The following MAP3K8 variants were observed in gnomAD, a reference collection of about 807,000 sequenced individuals.
MAP3K8 encodes Ewing sarcoma transformant.
In MAP3K8, 22 loss-of-function variants were observed where a neutral mutation model predicts 45.8. The observed-to-expected ratio is 0.48, with a 90% CI of 0.34 to 0.69. The LOEUF (loss-of-function observed/expected upper bound fraction) is 0.69, where lower values mean the gene tolerates loss of function less well. Ranked by LOEUF, MAP3K8 falls within the 30% of genes least tolerant of loss-of-function variation. MAP3K8 has a pLI of 0.01. For missense variants in MAP3K8, 419 were observed against 585.0 expected, an observed-to-expected ratio of 0.72 and a Z score of 2.93; for synonymous variants, 223 against 214.3, an observed-to-expected ratio of 1.04 and a Z score of -0.36.
rs546469654 is a variant in MAP3K8, at chr10:30,460,983, C to T, written c.*147C>T. The T allele has an allele frequency of 3.1e-4, 286 of 926,678 alleles. 2 individuals carry two copies. The South Asian group carries it at 4.7e-3, about 15-fold the overall frequency. 57.4% of individuals were successfully genotyped at this position (926,678 alleles called of 1,614,324 possible). On this transcript the variant is annotated 3_prime_UTR_variant, in exon 9 of 9. Transcript: ENST00000263056. ...TGTGACCCGTGAATGTGCCTCCAAG[C>T]GGCCCTGTGTGTTTGACATGTGAAG...
At chr10:30,441,842 C>G (rs1369373511) in intron 3 of MAP3K8, among the ~76,000 whole-genome samples, 1 of 152,116 alleles carries the variant, frequency 6.6e-6, no homozygotes, top group Non-Finnish European at 1.5e-5. Flanking sequence ...GCTTTCGGCT[C>G]CCTTTCATCC....
chr10:30,448,540 C>T (rs1258072989), intron 4 of MAP3K8, among the ~76,000 whole-genome samples: 3 of 151,766 alleles, frequency 2.0e-5, no homozygotes, highest in African/African-American at 7.3e-5. Flanking sequence ...TCAAACGATT[C>T]TCCTGCATCA....
At chr10:30,451,881 C>A in intron 6 of MAP3K8, 137 bp downstream of exon 6, 1 of 506,420 alleles carries the variant, frequency 2.0e-6, no homozygotes, top group Non-Finnish European at 3.5e-6. Context: ...CCTTGGAACA[C>A]ATTTAATGAG....
chr10:30,437,687 G>A (rs1163291824), intron 2 of MAP3K8, among the ~76,000 whole-genome samples: 10 of 152,352 alleles, frequency 6.6e-5, no homozygotes, highest in African/African-American at 2.2e-4. Context: ...AGAGGCAGAT[G>A]GCTGGGTCAT....
intron 3 of MAP3K8, among the ~76,000 whole-genome samples, chr10:30,443,285 A>G (rs764935993): frequency 2.6e-5 from 4 of 152,224 alleles, no homozygotes; most frequent in Non-Finnish European, 5.9e-5. Context: ...TAGAGTTGAT[A>G]TTTGGAGCAA....
chr10:30,458,259 TGGGGGCGGCG>T, intron 7 of MAP3K8, 23 bp downstream of exon 7: 1 of 448,274 alleles, frequency 2.2e-6, no homozygotes, highest in Non-Finnish European at 3.4e-6. Flanking sequence ...CAACCAGGGC[TGGGGGCGGCG>T]GGGGGGGGCG....
intron 3 of MAP3K8, among the ~76,000 whole-genome samples, chr10:30,441,242 C>CGCCT (rs1836096112): frequency 6.6e-6 from 1 of 151,880 alleles, no homozygotes; most frequent in African/African-American, 2.4e-5. Context: ...CTGCAATCTC[C>CGCCT]GCCTCATGGG....
At chr10:30,434,418 C>A (rs1835844718) in intron 1 of MAP3K8, 40 bp downstream of exon 1, 4 of 979,814 alleles carry the variant, frequency 4.1e-6, no homozygotes, top group Middle Eastern at 1.0e-3. Flanking sequence ...TCTTTCGGGT[C>A]GCGTCCCGCC....
Position 30,458,138 on chromosome 10 carries a change from A to C in MAP3K8, c.928A>C (p.Ile310Leu). 1 of 1,594,776 alleles carries C rather than the reference A, an allele frequency of 6.3e-7. No homozygotes were observed. Among genetic ancestry groups the C allele is most frequent in the Non-Finnish European group, 8.5e-7 (1 of 1,170,294 alleles). ...CAGGGGCCATTCAACCAAAGCAGAC[A>C]TCTACAGCCTGGGGGCCACGCTCAT... The part of the protein sequence containing the change: ...LCRGHSTKAD[I>L]YSLGATLIHM... Residue 310 changes from isoleucine (I) to leucine (L), a missense_variant, in exon 7 of 9, where the codon ATC becomes CTC. Physicochemically the swap from Ile to Leu is conservative, Grantham distance 5 (BLOSUM62 2). This residue lies in a region of MAP3K8 where 209 missense variants were observed against 367.3 expected (regional missense o/e 0.57). Coordinates refer to ENST00000263056, the MANE Select transcript of MAP3K8 (RefSeq NM_005204.4).
rs1399156551 is a variant in MAP3K8, at chr10:30,460,735, T to C, written c.1303T>C (p.Ser435Pro). The C allele has an allele frequency of 6.2e-7, 1 of 1,612,792 alleles. No homozygotes were observed. The highest frequency in any genetic ancestry group is 8.5e-7 in the Non-Finnish European group (1 of 1,179,520). The change falls in exon 9 of 9, where the codon TCT becomes CCT. Residue 435 changes from serine to proline, a missense_variant. Ser to Pro is a moderately conservative substitution (Grantham distance 74). Around this residue, in one of 3 missense-constraint regions of MAP3K8, gnomAD observed 108 missense variants for 124.2 expected, o/e 0.87. Transcript: ENST00000263056. ...TTCGTGCACAGGAAGCACCGAGGAA[T>C]CTGAGATGCTCAAGAGGCAACGCTC... ...DSSCTGSTEESEMLKRQRSLY... is the reference protein window; with the variant it reads ...DSSCTGSTEEPEMLKRQRSLY...
chr10:30,450,744 A>G, intron 5 of MAP3K8: 1 of 541,410 alleles, frequency 1.8e-6, no homozygotes, highest in South Asian at 2.1e-5. Context: ...GAAAGGTTAT[A>G]GCTACATACC....
At chr10:30,448,901 G>C (rs8177003) in intron 4 of MAP3K8, among the ~76,000 whole-genome samples, 10,501 of 152,150 alleles carry the variant, frequency 0.069, 1,214 homozygotes, top group African/African-American at 0.24. Context: ...AAGCTATGTG[G>C]TAGCATGTTC....
intron 3 of MAP3K8, 48 bp downstream of exon 3, chr10:30,439,322 C>T (rs1836018960): frequency 6.2e-7 from 1 of 1,602,050 alleles, no homozygotes; most frequent in African/African-American, 1.3e-5. Flanking sequence ...AGCTTTCCTA[C>T]TGCAGCTTCA....
rs1374938490 is a variant in MAP3K8 at position 30,460,664 on chromosome 10, C to A, written c.1274-42C>A. The A allele has an allele frequency of 7.2e-6, 11 of 1,531,282 alleles. No individual in the cohort carries two copies. The East Asian group carries it at 2.3e-4, about 32-fold the overall frequency. 94.9% of individuals were successfully genotyped at this position (1,531,282 alleles called of 1,614,324 possible). ...GAAGGAACAGGTATTTATCATTTGA[C>A]ACGTTTTCTTGTTACTTACTTTGTA... On this transcript the variant is annotated intron_variant, in intron 8 of 8. Transcript: ENST00000263056.
chr10:30,439,558 C>G (rs1435712942), intron 3 of MAP3K8: 2 of 623,570 alleles, frequency 3.2e-6, no homozygotes, highest in Non-Finnish European at 2.6e-6. Context: ...GCCTGTAATC[C>G]GCGCACTTGG....
chr10:30,441,397 T>C (rs1274387307), intron 3 of MAP3K8, among the ~76,000 whole-genome samples: 1 of 152,176 alleles, frequency 6.6e-6, no homozygotes, highest in East Asian at 1.9e-4. Context: ...CCTCAGGTGA[T>C]CCACCTGCCT....
At chr10:30,436,942 T>A (rs1244524897) in intron 1 of MAP3K8, among the ~76,000 whole-genome samples, 1 of 151,800 alleles carries the variant, frequency 6.6e-6, no homozygotes, top group Non-Finnish European at 1.5e-5. Flanking sequence ...AAGCAGAAAC[T>A]GCAACTAAAC....
intron 3 of MAP3K8, among the ~76,000 whole-genome samples, chr10:30,446,552 G>A (rs1246726322): frequency 1.7e-4 from 25 of 142,910 alleles, no homozygotes; most frequent in African/African-American, 5.4e-4. Context: ...AAAAAAAAAA[G>A]AAGAAGAAGA....
At chr10:30,458,284 G>C (rs1836818939) in intron 7 of MAP3K8, 48 bp downstream of exon 7, 1 of 1,309,240 alleles carries the variant, frequency 7.6e-7, no homozygotes, top group East Asian at 2.8e-5. Flanking sequence ...GGGGCGTTGA[G>C]TTATGCATCC....
Sources: gnomAD v4.1 joint callset for allele counts (sites outside exome capture counted in the v4.1 genomes callset) on GRCh38, gnomAD v4.1.1 for gene constraint, gnomAD v4.1.1 regional missense constraint, MANE v1.5 for transcripts, NCBI Gene and HGNC (gene_info 2026-07-23, HGNC 2026-07-21) for gene names.